ESYT2: variants seen among roughly 807,000 people sequenced by gnomAD.
ESYT2 encodes extended synaptotagmin 2, also known as extended synaptotagmin-2.
In ESYT2, 54 loss-of-function variants were observed where a neutral mutation model predicts 107.2. That is an observed-to-expected ratio of 0.50 (90% CI 0.40 to 0.63). The LOEUF (loss-of-function observed/expected upper bound fraction) is 0.63, where lower values mean the gene tolerates loss of function less well. Among genes scored for constraint, ESYT2 ranks in the 30% least tolerant of loss-of-function variants. The pLI, the probability that ESYT2 is intolerant of heterozygous loss-of-function variation, is 0.00. For synonymous variants in ESYT2, 491 were observed against 434.1 expected (o/e 1.13, Z -1.63); for missense variants, 1,020 against 1,094.5 (o/e 0.93, Z 0.96).
At chr7:158,774,881 A>G (rs1488351321) in intron 6 of ESYT2, among the ~76,000 whole-genome samples, 7 of 152,226 alleles carry the variant, frequency 4.6e-5, no homozygotes, top group Admixed American at 3.9e-4. Flanking sequence ...GGGCCACATG[A>G]ACTTCAGGAA....
chr7:158,756,914 T>TAAAAAAGAAAAAAAAAAAAAAAAAAAA (rs1563629848), intron 13 of ESYT2, among the ~76,000 whole-genome samples: 1 of 98,804 alleles, frequency 1.0e-5, no homozygotes, highest in African/African-American at 4.0e-5. Context: ...CATCTCAAAT[T>TAAAAAAGAAAAAAAAAAAAAAAAAAAA]AAAAAAAAAA....
At chr7:158,772,626 G>A (rs1351641712) in intron 7 of ESYT2, among the ~76,000 whole-genome samples, 1 of 152,152 alleles carries the variant, frequency 6.6e-6, no homozygotes, top group African/African-American at 2.4e-5. Flanking sequence ...GCCACCCACA[G>A]CCCCACGCAC....
intron 7 of ESYT2, among the ~76,000 whole-genome samples, chr7:158,771,622 C>T (rs1390760301): frequency 6.6e-6 from 1 of 152,162 alleles, no homozygotes; most frequent in African/African-American, 2.4e-5. Flanking sequence ...ACACGCCCAC[C>T]CTGCATGGGT....
At chr7:158,808,912 G>A (rs1255084834) in intron 1 of ESYT2, among the ~76,000 whole-genome samples, 1 of 152,004 alleles carries the variant, frequency 6.6e-6, no homozygotes, top group Non-Finnish European at 1.5e-5. Flanking sequence ...GGTGGCAGAG[G>A]TTGCAGTGAG....
At chr7:158,743,036 T>G (rs1190961867) in intron 17 of ESYT2, among the ~76,000 whole-genome samples, 1 of 152,246 alleles carries the variant, frequency 6.6e-6, no homozygotes, top group Admixed American at 6.5e-5. Flanking sequence ...TTTCCCCATA[T>G]GTTTGCCAGT....
rs1719314910 is a variant in ESYT2 at position 158,732,093 on chromosome 7, G to T, written c.*2114C>A. 6.6e-6 allele frequency: 1 copy of T among 152,218 alleles called. No homozygotes were observed. Among genetic ancestry groups the T allele is most frequent in the African/African-American group, 2.4e-5 (1 of 41,452 alleles). 9.4% of individuals were successfully genotyped at this position (152,218 alleles called of 1,614,324 possible). A position where few individuals can be genotyped will look rare whatever the true frequency, so the allele number is the denominator to read the frequency against. ...CTTTAATTGTGTCTACTCTGCCTAA[G>T]TGCTTAAATAAAGCATTCCATTAAG... On this transcript the variant is annotated 3_prime_UTR_variant, in exon 23 of 23. Coordinates refer to ENST00000275418, the MANE Select transcript of ESYT2 (RefSeq NM_001367773.1).
intron 1 of ESYT2, among the ~76,000 whole-genome samples, chr7:158,817,839 T>C (rs2129474177): frequency 6.6e-6 from 1 of 152,350 alleles, no homozygotes; most frequent in Admixed American, 6.5e-5. Flanking sequence ...AAAGTATCAT[T>C]CAGATTAATA....
At chr7:158,754,449 G>C (rs1837685621) in intron 13 of ESYT2, among the ~76,000 whole-genome samples, 1 of 151,846 alleles carries the variant, frequency 6.6e-6, no homozygotes, top group African/African-American at 2.4e-5. Flanking sequence ...TTGACCTTGT[G>C]ATCCACCCAC....
In ESYT2 at chr7:158,754,721, C is replaced by T. The variant is rs11505237; in HGVS notation, c.1420-1878G>A. ...CAATAAATTCACTTTGCACTAGGGT[C>T]GAGGGGACAAGAGGCGCCAAGCACC... On this transcript the variant is annotated intron_variant, in intron 13 of 22. Transcript: ENST00000275418. Among the ~76,000 whole-genome samples the T allele has an allele frequency of 1.7e-3, 258 of 152,170 alleles. 1 individual carries two copies. Among genetic ancestry groups the T allele is most frequent in the Middle Eastern group, 0.01 (3 of 294 alleles).
chr7:158,769,444 C>A (rs1838277905), intron 7 of ESYT2, among the ~76,000 whole-genome samples: 1 of 152,232 alleles, frequency 6.6e-6, no homozygotes, highest in Admixed American at 6.5e-5. Context: ...TGCGCCTCCT[C>A]ACCCCACTAC....
chr7:158,734,506 G>T (rs1292965800), intron 21 of ESYT2, 35 bp from the exon 22 acceptor site: 1 of 1,594,972 alleles, frequency 6.3e-7, no homozygotes, highest in East Asian at 2.2e-5. Flanking sequence ...AAAGTAGGCT[G>T]GGCTGGGGGC....
intron 15 of ESYT2, among the ~76,000 whole-genome samples, chr7:158,749,310 G>A (rs1226111423): frequency 2.0e-5 from 3 of 152,060 alleles, no homozygotes; most frequent in East Asian, 3.9e-4. Flanking sequence ...GTAGAGATGA[G>A]GTTTCACCGT....
chr7:158,734,719 T>C (rs185235665), intron 21 of ESYT2, among the ~76,000 whole-genome samples: 3 of 152,366 alleles, frequency 2.0e-5, no homozygotes, highest in Non-Finnish European at 4.4e-5. Context: ...GCCCAGGCAT[T>C]TGAAGCTGCA....
chr7:158,807,329 A>G (rs1839860747), intron 1 of ESYT2, among the ~76,000 whole-genome samples: 1 of 152,046 alleles, frequency 6.6e-6, no homozygotes, highest in Non-Finnish European at 1.5e-5. Context: ...CAGAATTAAC[A>G]TCGGACTTAA....
chr7:158,744,195 T>C (rs9638135), intron 16 of ESYT2: 143,513 of 152,372 alleles, frequency 0.94, 67,628 homozygotes, highest in Middle Eastern at 0.96. Context: ...TAACATGGTA[T>C]GAAATCTCCT....
chr7:158,797,577 C>A (rs545382040), intron 3 of ESYT2, among the ~76,000 whole-genome samples: 1 of 151,842 alleles, frequency 6.6e-6, no homozygotes, highest in East Asian at 1.9e-4. Context: ...GTTTTTCGGC[C>A]AGGCGCGGTG....
intron 16 of ESYT2, among the ~76,000 whole-genome samples, chr7:158,747,432 C>A (rs1256589374): frequency 6.6e-6 from 1 of 151,180 alleles, no homozygotes; most frequent in Non-Finnish European, 1.5e-5. Flanking sequence ...AAAAGACAGG[C>A]AAAAAAACTG....
In ESYT2 at chr7:158,767,756, G is replaced by A. The variant is rs1186359401; in HGVS notation, c.822C>T (p.Ile274=). Residue 274 remains isoleucine (I), a synonymous_variant, in exon 8 of 23, where the codon ATC becomes ATT. Coordinates refer to ENST00000275418, the MANE Select transcript of ESYT2 (RefSeq NM_001367773.1). ...VPGLNGLSDT[I]ILDIISNYLV... ...GATAGTTTGATATTATATCCAAAAT[G>A]ATAGTATCTGATAAACCACTGTTAG... 6.2e-7 allele frequency: 1 copy of A among 1,612,392 alleles called. No homozygotes were observed. Among genetic ancestry groups the A allele is most frequent in the South Asian group, 1.1e-5 (1 of 90,728 alleles).
rs1839079461 is a variant in ESYT2 at position 158,785,471 on chromosome 7, A to AATC, written c.747+2532_747+2533insGAT. 7.3e-5 allele frequency among the ~76,000 whole-genome samples: 10 copies of AATC among 137,564 alleles called. No individual in the cohort carries two copies. The East Asian group carries it at 1.8e-3, about 25-fold the overall frequency. 90.2% of individuals were successfully genotyped at this position (137,564 alleles called of 152,430 possible). A position where few individuals can be genotyped will look rare whatever the true frequency, so the allele number is the denominator to read the frequency against. On this transcript the variant is annotated intron_variant, in intron 6 of 22. Transcript: ENST00000275418. ...TAAATAAATAAATAAATAAATAAAT[A>AATC]AATCACCTCCAGTGTCAGGACTAAA... is the stretch of plus-strand genomic sequence containing the variant.
Sources: gnomAD v4.1 joint callset for allele counts (sites outside exome capture counted in the v4.1 genomes callset) on GRCh38, gnomAD v4.1.1 for gene constraint, MANE v1.5 for transcripts, NCBI Gene and HGNC (gene_info 2026-07-23, HGNC 2026-07-21) for gene names.